The following LRRC4C variants were observed in gnomAD, a reference collection of about 807,000 sequenced individuals.
LRRC4C encodes leucine rich repeat containing 4C.
LRRC4C carries 5 observed loss-of-function variants against 33.6 expected under a neutral mutation model. That is an observed-to-expected ratio of 0.15 (90% CI 0.08 to 0.31). LRRC4C has a LOEUF of 0.31. Among genes scored for constraint, LRRC4C ranks in the 10% least tolerant of loss-of-function variants. LRRC4C has a pLI of 1.00. For synonymous variants in LRRC4C, 329 were observed against 302.0 expected, an observed-to-expected ratio of 1.09 and a Z score of -0.93; for missense variants, 560 against 796.7, an observed-to-expected ratio of 0.70 and a Z score of 3.58.
intron 1 of LRRC4C, among the ~76,000 whole-genome samples, chr11:41,296,465 C>T (rs1950146908): frequency 2.0e-5 from 3 of 152,034 alleles, no homozygotes; most frequent in African/African-American, 4.8e-5. Flanking sequence ...CAGGCACTCA[C>T]CACCGTACCC....
intron 2 of LRRC4C, among the ~76,000 whole-genome samples, chr11:40,833,480 T>A (rs1952512099): frequency 6.6e-6 from 1 of 152,128 alleles, no homozygotes; most frequent in Non-Finnish European, 1.5e-5. Flanking sequence ...TCAATGAGAT[T>A]TTTTTAAATA....
chr11:41,198,705 C>G (rs1426499256), intron 1 of LRRC4C, among the ~76,000 whole-genome samples: 1 of 151,754 alleles, frequency 6.6e-6, no homozygotes, highest in African/African-American at 2.4e-5. Flanking sequence ...TCACGGTGGC[C>G]CTCTTTAAGT....
At chr11:40,361,935 A>G (rs1947972990) in intron 3 of LRRC4C, among the ~76,000 whole-genome samples, 1 of 152,174 alleles carries the variant, frequency 6.6e-6, no homozygotes, top group African/African-American at 2.4e-5. Context: ...ATGGAACAGA[A>G]TAGAGAACCC....
chr11:41,249,706 C>T (rs971192336), intron 1 of LRRC4C, among the ~76,000 whole-genome samples: 3 of 152,156 alleles, frequency 2.0e-5, no homozygotes, highest in South Asian at 2.1e-4. Context: ...TTTCATGAGG[C>T]TTCTCTTCAA....
chr11:40,588,809 A>C (rs750156504), intron 3 of LRRC4C, among the ~76,000 whole-genome samples: 7 of 152,072 alleles, frequency 4.6e-5, no homozygotes, highest in Non-Finnish European at 8.8e-5. Flanking sequence ...CGTAATTCTG[A>C]GTTCTAGTTT....
intron 3 of LRRC4C, among the ~76,000 whole-genome samples, chr11:40,374,240 C>CGTA (rs1187023769): frequency 6.6e-6 from 1 of 152,008 alleles, no homozygotes; most frequent in East Asian, 1.9e-4. Context: ...TTGTTGTGTC[C>CGTA]GTAGTGGTGA....
At chr11:41,123,915 G>A (rs532853486) in intron 1 of LRRC4C, among the ~76,000 whole-genome samples, 8 of 152,242 alleles carry the variant, frequency 5.3e-5, no homozygotes, top group African/African-American at 1.9e-4. Context: ...TATTAAGTTT[G>A]AGATCAACTT....
chr11:40,766,924 A>G (rs1949502890), intron 2 of LRRC4C, among the ~76,000 whole-genome samples: 1 of 151,960 alleles, frequency 6.6e-6, no homozygotes, highest in South Asian at 2.1e-4. Context: ...GAGGAGCCAG[A>G]AAACAACCAG....
At chr11:41,407,500 C>A (rs1346146943) in intron 1 of LRRC4C, among the ~76,000 whole-genome samples, 1 of 152,034 alleles carries the variant, frequency 6.6e-6, no homozygotes, top group Non-Finnish European at 1.5e-5. Context: ...TAGGGTCTCA[C>A]AATGTTGCCT....
chr11:41,035,230 T>C (rs1378148620), intron 1 of LRRC4C, among the ~76,000 whole-genome samples: 1 of 151,416 alleles, frequency 6.6e-6, no homozygotes, highest in East Asian at 1.9e-4. Context: ...AATAAATATA[T>C]AAATAAATAA....
At chr11:40,700,289 A>T (rs950367002) in intron 2 of LRRC4C, among the ~76,000 whole-genome samples, 1 of 152,102 alleles carries the variant, frequency 6.6e-6, no homozygotes, top group African/African-American at 2.4e-5. Context: ...TTACAGAAAC[A>T]CACGCAGGTT....
chr11:41,226,826 T>A (rs556479800), intron 1 of LRRC4C, among the ~76,000 whole-genome samples: 1 of 151,344 alleles, frequency 6.6e-6, no homozygotes, highest in South Asian at 2.1e-4. Context: ...ACAATCAAAC[T>A]ACTTAAAATA....
intron 1 of LRRC4C, among the ~76,000 whole-genome samples, chr11:41,171,211 C>G (rs1364414850): frequency 6.6e-6 from 1 of 152,026 alleles, no homozygotes; most frequent in Non-Finnish European, 1.5e-5. Context: ...CCTCAGGGAT[C>G]TAGAACTAGA....
At chr11:40,246,554 A>C (rs574681959) in intron 4 of LRRC4C, among the ~76,000 whole-genome samples, 1 of 152,306 alleles carries the variant, frequency 6.6e-6, no homozygotes, top group African/African-American at 2.4e-5. Context: ...TAGCGGCAGA[A>C]ATATGAACAG....
At chr11:41,052,146 C>T (rs1241725492) in intron 1 of LRRC4C, among the ~76,000 whole-genome samples, 2 of 152,114 alleles carry the variant, frequency 1.3e-5, no homozygotes, top group African/African-American at 4.8e-5. Context: ...ATCCACTGCA[C>T]ACCCTATGAT....
chr11:40,779,485 T>A (rs1482047688), intron 2 of LRRC4C, among the ~76,000 whole-genome samples: 1 of 152,164 alleles, frequency 6.6e-6, no homozygotes, highest in Non-Finnish European at 1.5e-5. Flanking sequence ...TAATGTAAAA[T>A]TTATTAATAT....
In LRRC4C at chr11:40,980,687, C is replaced by A. The variant is rs183758711; in HGVS notation, c.-495-46964G>T. On this transcript the variant is annotated intron_variant, in intron 1 of 6. Transcript: ENST00000528697. Reference sequence around the variant, plus strand: ...CCCCAACTGTAAAGAAAACTAAGAACCTTCTCTTTCGTATTTCATGACAGT... The same window carrying A: ...CCCCAACTGTAAAGAAAACTAAGAAACTTCTCTTTCGTATTTCATGACAGT... Among the ~76,000 whole-genome samples the A allele has an allele frequency of 3.1e-3, 479 of 152,242 alleles. 4 individuals carry two copies. The highest frequency in any genetic ancestry group is 0.011 in the African/African-American group (466 of 41,554).
chr11:41,449,519 T>TGGG (rs1392347630), intron 1 of LRRC4C, among the ~76,000 whole-genome samples: 8 of 152,066 alleles, frequency 5.3e-5, no homozygotes, highest in Non-Finnish European at 1.0e-4. Context: ...CACTAACTAC[T>TGGG]GTGAGGGGTG....
chr11:40,828,655 CA>C (rs902822859), intron 2 of LRRC4C, among the ~76,000 whole-genome samples: 3 of 151,776 alleles, frequency 2.0e-5, no homozygotes, highest in Non-Finnish European at 2.9e-5. Flanking sequence ...TAGTCTTAAA[CA>C]AGATTGGTTG....
Sources: gnomAD v4.1 joint callset for allele counts (sites outside exome capture counted in the v4.1 genomes callset) on GRCh38, gnomAD v4.1.1 for gene constraint, MANE v1.5 for transcripts, NCBI Gene and HGNC (gene_info 2026-07-23, HGNC 2026-07-21) for gene names.